Variants in MFN2 observed in about 807,000 individuals in gnomAD.
MFN2 encodes mitofusin 2.
MFN2 carries 43 observed loss-of-function variants against 87.5 expected under a neutral mutation model. The ratio of observed to expected loss-of-function variants is 0.49; its 90% CI spans 0.38 to 0.63. MFN2 has a LOEUF of 0.63. MFN2 is among the 30% of genes least tolerant of loss of function. The pLI, the probability that MFN2 is intolerant of heterozygous loss-of-function variation, is 0.00. For missense variants in MFN2, 743 were observed against 972.8 expected (o/e 0.76, Z 3.14); for synonymous variants, 337 against 359.9 (o/e 0.94, Z 0.72).
At chr1:11,981,938 C>T (rs1311786347) in intron 1 of MFN2, 32 bp from the exon 2 acceptor site, 3 of 46,246 alleles carry the variant, frequency 6.5e-5, no homozygotes, top group Non-Finnish European at 1.1e-4. Flanking sequence ...TTTTTGGACA[C>T]CGGATCCATC....
intron 8 of MFN2, among the ~76,000 whole-genome samples, chr1:11,999,770 T>C (rs745331956): frequency 6.6e-6 from 1 of 151,604 alleles, no homozygotes; most frequent in Non-Finnish European, 1.5e-5. Context: ...GAAACCACCT[T>C]GGGCGACGTA....
chr1:11,992,133 A>G, intron 3 of MFN2: 1 of 239,984 alleles, frequency 4.2e-6, no homozygotes, highest in African/African-American at 2.2e-5. Flanking sequence ...AATATTTGTT[A>G]AGAAAAAATA....
rs943371235 is a variant in MFN2, at chr1:12,012,636, G to C, written c.*1071G>C. On this transcript the variant is annotated 3_prime_UTR_variant, in exon 19 of 19. Transcript: ENST00000235329. ...CCAAGTGCCCTGGACTAAATTTCCT[G>C]TGCCAGTGACTGCAGTTGGCCAAGG... 6 of 152,210 alleles carry C rather than the reference G, an allele frequency of 3.9e-5. No homozygotes were observed. Among genetic ancestry groups the C allele is most frequent in the African/African-American group, 1.4e-4 (6 of 41,406 alleles). The allele number at this position is 152,210 out of a possible 1,614,324, so 9.4% of individuals were successfully genotyped here. A position where few individuals can be genotyped will look rare whatever the true frequency, so the allele number is the denominator to read the frequency against.
In MFN2 at chr1:11,992,628, C is replaced by T. The variant is rs376317255; in HGVS notation, c.249C>T (p.Ser83=). 6.2e-7 allele frequency: 1 copy of T among 1,614,058 alleles called. No individual in the cohort carries two copies. The highest frequency in any genetic ancestry group is 8.5e-7 in the Non-Finnish European group (1 of 1,180,054). The change falls in exon 4 of 19, where the codon TCC becomes TCT. Residue 83 remains serine, a synonymous_variant. Coordinates refer to ENST00000235329, the MANE Select transcript of MFN2 (RefSeq NM_014874.4). ...EQVLDVKGYL[S]KVRGISEVLA... is the part of the protein sequence containing the mutation. ...TTCTGGACGTCAAAGGTTACCTATC[C>T]AAAGTGAGAGGCATCAGTGAGGTGC... is the stretch of plus-strand genomic sequence containing the variant.
rs772270096 is a variant in MFN2 at position 12,009,699 on chromosome 1, CACTT to C, written c.2178_2181del (p.Leu727ArgfsTer48). 6.2e-7 allele frequency: 1 copy of C among 1,614,228 alleles called. No homozygotes were observed. The highest frequency in any genetic ancestry group is 1.3e-5 in the African/African-American group (1 of 75,070). ...AACAAGAAAATTGAGGTTCTTGACT[CACTT>C]CAGAGCAAAGCAAAGCTGCTCAGGT... On this transcript the variant is annotated frameshift_variant, in exon 18 of 19. Transcript: ENST00000235329. LOFTEE classifies it high-confidence loss of function.
At chr1:11,999,153 AC>A (rs1639064332) in intron 8 of MFN2, 58 bp downstream of exon 8, 2 of 1,369,454 alleles carry the variant, frequency 1.5e-6, no homozygotes, top group Admixed American at 3.4e-5. Context: ...ACTGCCTGCC[AC>A]TGGGGCCACT....
chr1:11,997,033 C>T (rs1164936105), intron 5 of MFN2, among the ~76,000 whole-genome samples: 4 of 117,322 alleles, frequency 3.4e-5, no homozygotes, highest in Middle Eastern at 7.9e-3. Flanking sequence ...AGCGAGACTC[C>T]GTCTCAAAAA....
At chr1:11,999,704 C>T (rs778592779) in intron 8 of MFN2, among the ~76,000 whole-genome samples, 26 of 151,752 alleles carry the variant, frequency 1.7e-4, no homozygotes, top group African/African-American at 5.1e-4. Context: ...GGGTAACAAA[C>T]GGCATGGTGG....
At chr1:11,982,688 A>G (rs1303019030) in intron 2 of MFN2, 1 of 152,026 alleles carries the variant, frequency 6.6e-6, no homozygotes, top group East Asian at 1.9e-4. Flanking sequence ...GATACCTAAT[A>G]CTCCTCAACG....
chr1:11,999,772 G>A (rs541840192), intron 8 of MFN2, among the ~76,000 whole-genome samples: 1 of 152,184 alleles, frequency 6.6e-6, no homozygotes, highest in Admixed American at 6.5e-5. Context: ...AACCACCTTG[G>A]GCGACGTAGC....
chr1:11,992,463 G>A, intron 3 of MFN2, 92 bp from the exon 4 acceptor site: 1 of 1,532,314 alleles, frequency 6.5e-7, no homozygotes, highest in Non-Finnish European at 9.0e-7. Flanking sequence ...ACTCGTTTAG[G>A]GTAAGCAGGG....
At chr1:11,987,178 C>T (rs1287310508) in intron 2 of MFN2, among the ~76,000 whole-genome samples, 1 of 151,712 alleles carries the variant, frequency 6.6e-6, no homozygotes, top group East Asian at 1.9e-4. Flanking sequence ...TGTGGTGGTA[C>T]ATGCCCGTAC....
chr1:11,996,275 C>T lies in MFN2; in HGVS notation c.431C>T (p.Ala144Val). ...GTAGAGGGCACAGATGGCCATGAGG[C>T]CTTTCTCCTTACCGAGGGCTCAGAG... is the stretch of plus-strand genomic sequence containing the variant. ...LRVEGTDGHE[A>V]FLLTEGSEEK... The change falls in exon 5 of 19, where the codon GCC becomes GTC. Residue 144 changes from alanine to valine, a missense_variant. This residue lies in a region of MFN2 where 141 missense variants were observed against 278.9 expected (regional missense o/e 0.51). Transcript: ENST00000235329. 2 of 1,614,164 alleles carry T rather than the reference C, an allele frequency of 1.2e-6. No individual in the cohort carries two copies. Among genetic ancestry groups the T allele is most frequent in the Admixed American group, 3.3e-5 (2 of 60,016 alleles).
At chr1:11,987,859 G>A (rs986070479) in intron 2 of MFN2, among the ~76,000 whole-genome samples, 1 of 152,148 alleles carries the variant, frequency 6.6e-6, no homozygotes, top group Non-Finnish European at 1.5e-5. Flanking sequence ...GCTGAGGTGG[G>A]AGGATTGCTT....
chr1:11,988,534 T>C (rs943126368), intron 2 of MFN2, among the ~76,000 whole-genome samples: 5 of 151,586 alleles, frequency 3.3e-5, no homozygotes, highest in African/African-American at 1.2e-4. Flanking sequence ...CCACTGAACC[T>C]GGCCCCTAAC....
rs760590652 is a variant in MFN2 at position 11,998,976 on chromosome 1, C to T, written c.709-12C>T. 4.3e-6 allele frequency: 7 copies of T among 1,614,024 alleles called. No individual in the cohort carries two copies. Among genetic ancestry groups the T allele is most frequent in the Non-Finnish European group, 5.9e-6 (7 of 1,179,878 alleles). ...AAGCTCCTGCTCCACCGAGGTCTTA[C>T]CCTTTATCTAGGAAAAGCACTTCTT... On this transcript the variant is annotated splice_polypyrimidine_tract_variant and intron_variant, in intron 7 of 18. Transcript: ENST00000235329.
intron 5 of MFN2, 108 bp from the exon 6 acceptor site, chr1:11,997,189 A>G (rs1188079243): frequency 8.5e-6 from 13 of 1,523,556 alleles, no homozygotes; most frequent in African/African-American, 2.7e-5. Context: ...AAGAAAGGGT[A>G]GCAGATGGGC....
rs1305557407 is a variant in MFN2, at chr1:11,991,215, TTG to T, written c.176-1337_176-1336del. Among the ~76,000 whole-genome samples the T allele has an allele frequency of 7.9e-5, 12 of 152,272 alleles. No individual in the cohort carries two copies. The East Asian group carries it at 2.3e-3, about 29-fold the overall frequency. On this transcript the variant is annotated intron_variant, in intron 3 of 18. Coordinates refer to ENST00000235329, the MANE Select transcript of MFN2 (RefSeq NM_014874.4). ...AAAGGTCTGCTCACGTAGCAAACAT[TTG>T]TGCACCTGCTGGGTGCTGGGGTCAG...
rs767561373 is a variant in MFN2 at position 12,007,109 on chromosome 1, C to A, written c.1929C>A (p.Leu643=). The A allele has an allele frequency of 6.2e-7, 1 of 1,614,196 alleles. No homozygotes were observed. The highest frequency in any genetic ancestry group is 1.1e-5 in the South Asian group (1 of 91,088). The part of the protein sequence containing the change: ...LIALSFGLYG[L]LYVYERLTWT... ...CCCTCTCCTTTGGGCTCTATGGCCTCCTCTACGTCTATGAGCGTCTGACCT... is the reference window on the plus strand; with the variant it reads ...CCCTCTCCTTTGGGCTCTATGGCCTACTCTACGTCTATGAGCGTCTGACCT... The change falls in exon 17 of 19, where the codon CTC becomes CTA. Residue 643 remains leucine, a synonymous_variant. Coordinates refer to ENST00000235329, the MANE Select transcript of MFN2 (RefSeq NM_014874.4).
Sources: allele counts gnomAD v4.1 joint callset (sites outside exome capture counted in the v4.1 genomes callset), GRCh38; gene constraint gnomAD v4.1.1; regional missense constraint gnomAD v4.1.1; transcripts MANE v1.5; gene names NCBI Gene and HGNC (gene_info 2026-07-23, HGNC 2026-07-21).